Variants in MVB12B observed in about 807,000 individuals in gnomAD.
MVB12B encodes ESCRT-I complex subunit MVB12B.
In MVB12B, 16 loss-of-function variants were observed where a neutral mutation model predicts 41.6. That is an observed-to-expected ratio of 0.38 (90% CI 0.26 to 0.58). The LOEUF (loss-of-function observed/expected upper bound fraction) is 0.58. Ranked by LOEUF, MVB12B falls within the 20% of genes least tolerant of loss-of-function variation. The pLI, the probability that MVB12B is intolerant of heterozygous loss-of-function variation, is 0.62. For synonymous variants in MVB12B, 133 were observed against 139.7 expected (o/e 0.95, Z 0.34); for missense variants, 274 against 380.2 (o/e 0.72, Z 2.32).
At chr9:126,418,375 C>T (rs111267101) in intron 6 of MVB12B, among the ~76,000 whole-genome samples, 7 of 152,240 alleles carry the variant, frequency 4.6e-5, no homozygotes, top group African/African-American at 1.7e-4. Flanking sequence ...TGTTATTGCT[C>T]ATATATTTCT....
At chr9:126,466,589 C>T (rs1354088216) in intron 7 of MVB12B, among the ~76,000 whole-genome samples, 2 of 152,068 alleles carry the variant, frequency 1.3e-5, no homozygotes, top group East Asian at 1.9e-4. Flanking sequence ...CACTGCAGAC[C>T]GCACCAAAGA....
At chr9:126,373,397 G>A (rs1015366709) in intron 2 of MVB12B, among the ~76,000 whole-genome samples, 3 of 152,242 alleles carry the variant, frequency 2.0e-5, no homozygotes, top group Non-Finnish European at 4.4e-5. Flanking sequence ...TCTGGCCTGG[G>A]CCAAGTGTGT....
intron 9 of MVB12B, among the ~76,000 whole-genome samples, chr9:126,496,069 A>C (rs1833821951): frequency 1.3e-5 from 2 of 152,172 alleles, no homozygotes; most frequent in South Asian, 4.2e-4. Flanking sequence ...AAGGACTAGA[A>C]ACCAGGATGA....
At chr9:126,461,865 T>C (rs948212422) in intron 7 of MVB12B, among the ~76,000 whole-genome samples, 15 of 152,052 alleles carry the variant, frequency 9.9e-5, no homozygotes, top group Non-Finnish European at 2.2e-4. Flanking sequence ...GTTGAGAGCA[T>C]GGGGGCCCTC....
chr9:126,403,999 G>A (rs1265811509), intron 6 of MVB12B, among the ~76,000 whole-genome samples: 1 of 140,648 alleles, frequency 7.1e-6, no homozygotes, highest in African/African-American at 2.6e-5. Flanking sequence ...TGTCGCCCAG[G>A]CTGGAGTGCA....
chr9:126,400,326 G>A (rs1376378436), intron 6 of MVB12B, among the ~76,000 whole-genome samples: 1 of 152,030 alleles, frequency 6.6e-6, no homozygotes, highest in Admixed American at 6.6e-5. Flanking sequence ...GATAGATTTA[G>A]GCTTAACACT....
intron 7 of MVB12B, among the ~76,000 whole-genome samples, chr9:126,457,180 C>T (rs1476820739): frequency 6.6e-6 from 1 of 152,126 alleles, no homozygotes; most frequent in Non-Finnish European, 1.5e-5. Flanking sequence ...TTCCCTTACC[C>T]ACACTGCGGC....
intron 7 of MVB12B, among the ~76,000 whole-genome samples, chr9:126,454,890 C>T (rs1832950769): frequency 6.6e-6 from 1 of 152,004 alleles, no homozygotes; most frequent in Non-Finnish European, 1.5e-5. Flanking sequence ...ACGTGCCGCT[C>T]TCCACCAGAC....
intron 2 of MVB12B, among the ~76,000 whole-genome samples, chr9:126,343,471 T>G (rs1375625748): frequency 6.6e-6 from 1 of 152,246 alleles, no homozygotes; most frequent in Non-Finnish European, 1.5e-5. Context: ...CTACAGTGCC[T>G]GTGTGCAGAA....
At chr9:126,343,332 TG>T (rs1467114708) in intron 2 of MVB12B, among the ~76,000 whole-genome samples, 2 of 152,226 alleles carry the variant, frequency 1.3e-5, no homozygotes, top group African/African-American at 2.4e-5. Flanking sequence ...ATCTTTGTGA[TG>T]CCACGTGCCC....
intron 6 of MVB12B, among the ~76,000 whole-genome samples, chr9:126,419,022 G>A (rs1831915326): frequency 6.6e-6 from 1 of 152,074 alleles, no homozygotes; most frequent in African/African-American, 2.4e-5. Context: ...CCAACAGCTC[G>A]GCTGGCCCCA....
At chr9:126,413,215 A>G (rs1831702710) in intron 6 of MVB12B, among the ~76,000 whole-genome samples, 1 of 152,204 alleles carries the variant, frequency 6.6e-6, no homozygotes, top group Non-Finnish European at 1.5e-5. Flanking sequence ...GTAGACCGTC[A>G]TAATTAAGAG....
intron 1 of MVB12B, among the ~76,000 whole-genome samples, chr9:126,337,536 G>T (rs1829317127): frequency 6.6e-6 from 1 of 152,092 alleles, no homozygotes. Flanking sequence ...CAATTGGATG[G>T]GATATTGGTG....
rs1213521379 is a variant in MVB12B at position 126,329,930 on chromosome 9, AC to A, written c.81+2924del. Among the ~76,000 whole-genome samples the A allele has an allele frequency of 2.8e-5, 4 of 143,606 alleles. No individual in the cohort carries two copies. In the East Asian group the frequency reaches 8.8e-4, roughly 32 times the overall value. 94.2% of individuals were successfully genotyped at this position (143,606 alleles called of 152,430 possible). A position where few individuals can be genotyped will look rare whatever the true frequency, so the allele number is the denominator to read the frequency against. On this transcript the variant is annotated intron_variant, in intron 1 of 9. Transcript: ENST00000361171. The stretch of plus-strand genomic sequence containing the variant: ...ATTTCCCCAACCCACCCCGCCCCCA[AC>A]CCCGGCTCTCCTTGGCCTTCTGCTT...
intron 6 of MVB12B, among the ~76,000 whole-genome samples, chr9:126,402,537 A>G (rs753215494): frequency 2.0e-5 from 3 of 152,170 alleles, no homozygotes; most frequent in Non-Finnish European, 4.4e-5. Context: ...CTAGCTACTC[A>G]GGAGGCTGAG....
Position 126,355,416 on chromosome 9 carries a change from A to G in MVB12B, c.204+14786A>G, listed in dbSNP as rs776655188. 2.6e-4 allele frequency among the ~76,000 whole-genome samples: 40 copies of G among 152,366 alleles called. No individual in the cohort carries two copies. In the Middle Eastern group the frequency reaches 0.017, roughly 65 times the overall value. On this transcript the variant is annotated intron_variant, in intron 2 of 9. Transcript: ENST00000361171. ...GCTACACTGCAGCAGGCCCAGGGCC[A>G]GGGGCATAAACAATACTCAGGTTAG...
At position 126,367,414 on chromosome 9, in the gene MVB12B, T is replaced by C. The variant is rs1830212572; in HGVS notation, c.205-13650T>C. Among the ~76,000 whole-genome samples the C allele has an allele frequency of 6.6e-6, 1 of 152,280 alleles. No homozygotes were observed. Among genetic ancestry groups the C allele is most frequent in the South Asian group, 2.1e-4 (1 of 4,826 alleles). ...CAGCCAACCCCACGCTTCCCACATGTGCCGGGGAGGACCCACACCCTGGCC... is the reference window on the plus strand; with the variant it reads ...CAGCCAACCCCACGCTTCCCACATGCGCCGGGGAGGACCCACACCCTGGCC... On this transcript the variant is annotated intron_variant, in intron 2 of 9. Coordinates refer to ENST00000361171, the MANE Select transcript of MVB12B (RefSeq NM_033446.3). The surrounding 1 kb of genome is among the most constrained non-coding windows in gnomAD (Gnocchi z 4.3).
At chr9:126,345,446 G>A (rs576465701) in intron 2 of MVB12B, among the ~76,000 whole-genome samples, 5 of 152,372 alleles carry the variant, frequency 3.3e-5, no homozygotes, top group East Asian at 3.9e-4. Flanking sequence ...CCAGGTAAGG[G>A]ATTCCCAGGC....
At chr9:126,381,687 AC>A (rs988893288) in intron 3 of MVB12B, among the ~76,000 whole-genome samples, 1 of 152,136 alleles carries the variant, frequency 6.6e-6, no homozygotes, top group Admixed American at 6.5e-5. Flanking sequence ...AAAAAAAAAA[AC>A]AAATACTTGC....
Sources: allele counts gnomAD v4.1 joint callset (sites outside exome capture counted in the v4.1 genomes callset), GRCh38; gene constraint gnomAD v4.1.1; non-coding constraint Gnocchi (gnomAD v3.1); transcripts MANE v1.5; gene names NCBI Gene and HGNC (gene_info 2026-07-23, HGNC 2026-07-21).